Variants in ATL2 observed in about 807,000 individuals in gnomAD.
The protein encoded by ATL2 is atlastin GTPase 2.
Under a neutral mutation model 73.9 loss-of-function variants are expected in ATL2, and 31 were observed. The ratio of observed to expected loss-of-function variants is 0.42; its 90% CI spans 0.32 to 0.57. The LOEUF is 0.57. ATL2 is among the 20% of genes least tolerant of loss of function. ATL2 has a pLI of 0.14. For synonymous variants in ATL2, 291 were observed against 237.5 expected (o/e 1.23, Z -2.07); for missense variants, 738 against 702.6 (o/e 1.05, Z -0.57).
At chr2:38,340,993 A>C (rs115020203) in intron 2 of ATL2, among the ~76,000 whole-genome samples, 1 of 152,196 alleles carries the variant, frequency 6.6e-6, no homozygotes, top group Non-Finnish European at 1.5e-5. Context: ...TTGCAAATAC[A>C]CGGCAATGGG....
intron 1 of ATL2, among the ~76,000 whole-genome samples, chr2:38,363,397 A>G (rs565936356): frequency 8.7e-5 from 13 of 150,264 alleles, no homozygotes; most frequent in Non-Finnish European, 1.5e-4. Flanking sequence ...TATCATCTTT[A>G]TAACAAATCT....
chr2:38,338,323 A>G (rs190000706), intron 2 of ATL2, among the ~76,000 whole-genome samples: 59 of 131,158 alleles, frequency 4.5e-4, no homozygotes, highest in African/African-American at 2.1e-3. Flanking sequence ...AGGGAGGAAG[A>G]GGGCAAGGGT....
At chr2:38,365,134 T>TACACACACACACACACACACACACACAC (rs541325892) in intron 1 of ATL2, among the ~76,000 whole-genome samples, 2 of 132,684 alleles carry the variant, frequency 1.5e-5, no homozygotes, top group African/African-American at 5.3e-5. Context: ...AAGGGAATCA[T>TACACACACACACACACACACACACACAC]ACACACACAC....
chr2:38,366,358 TC>T (rs1233730586), intron 1 of ATL2, among the ~76,000 whole-genome samples: 1 of 152,220 alleles, frequency 6.6e-6, no homozygotes, highest in Non-Finnish European at 1.5e-5. Flanking sequence ...ATAGCCCCAT[TC>T]CTTTTTTTAT....
At chr2:38,327,796 C>T (rs528075403) in intron 2 of ATL2, among the ~76,000 whole-genome samples, 2 of 152,144 alleles carry the variant, frequency 1.3e-5, no homozygotes, top group African/African-American at 2.4e-5. Context: ...CTTAGCGGGG[C>T]GTGGTGGCGG....
At chr2:38,317,078 G>C (rs1453670074) in intron 4 of ATL2, among the ~76,000 whole-genome samples, 1 of 152,064 alleles carries the variant, frequency 6.6e-6, no homozygotes, top group Non-Finnish European at 1.5e-5. Context: ...CTGATGGCTA[G>C]GTACTTCAAA....
rs886737955 is a variant in ATL2, at chr2:38,309,235, C to T, written c.1071+144G>A. Reference sequence around the variant, plus strand: ...TTTTAAATATCCTTAAATACAGATACATCTAATTCAAGGCAGAAAGATAAA... The same window carrying T: ...TTTTAAATATCCTTAAATACAGATATATCTAATTCAAGGCAGAAAGATAAA... On this transcript the variant is annotated intron_variant, in intron 9 of 12. Transcript: ENST00000378954. 6 of 747,118 alleles carry T rather than the reference C, an allele frequency of 8.0e-6. No individual in the cohort carries two copies. The African/African-American group carries it at 1.1e-4, about 13-fold the overall frequency. 46.3% of individuals were successfully genotyped at this position (747,118 alleles called of 1,614,324 possible). A position where few individuals can be genotyped will look rare whatever the true frequency, so the allele number is the denominator to read the frequency against.
intron 2 of ATL2, among the ~76,000 whole-genome samples, chr2:38,331,804 A>G (rs1034908638): frequency 4.6e-5 from 7 of 151,924 alleles, no homozygotes; most frequent in African/African-American, 1.4e-4. Context: ...AAAATGAAGG[A>G]AGAACCCTCT....
chr2:38,314,330 T>C (rs1349831018), intron 6 of ATL2, among the ~76,000 whole-genome samples: 1 of 152,224 alleles, frequency 6.6e-6, no homozygotes, highest in Non-Finnish European at 1.5e-5. Context: ...ATATTTCCTA[T>C]TGTCTTAAGT....
intron 1 of ATL2, among the ~76,000 whole-genome samples, chr2:38,373,270 G>A (rs1451175894): frequency 6.6e-6 from 1 of 152,160 alleles, no homozygotes; most frequent in Non-Finnish European, 1.5e-5. Context: ...AATGTTACTA[G>A]AGAACCTAGA....
At chr2:38,378,136 A>G (rs569716090), upstream of ATL2, among the ~76,000 whole-genome samples, 1 of 152,236 alleles carries the variant, frequency 6.6e-6, no homozygotes, top group East Asian at 1.9e-4. Flanking sequence ...ATCCCTTTGG[A>G]TTTTTACCAT....
intron 1 of ATL2, among the ~76,000 whole-genome samples, chr2:38,363,062 A>G (rs1007637174): frequency 2.0e-5 from 3 of 152,228 alleles, no homozygotes; most frequent in Non-Finnish European, 4.4e-5. Flanking sequence ...TGTGCCTATT[A>G]TCTCTTTAAA....
At chr2:38,343,601 A>G (rs1170643090) in intron 1 of ATL2, 89 bp from the exon 2 acceptor site, 2 of 1,177,418 alleles carry the variant, frequency 1.7e-6, no homozygotes. Context: ...AATTTCAAGT[A>G]AGTAATTGCC....
chr2:38,372,833 TACAATA>T (rs1224444155), intron 1 of ATL2, among the ~76,000 whole-genome samples: 1 of 152,216 alleles, frequency 6.6e-6, no homozygotes, highest in African/African-American at 2.4e-5. Flanking sequence ...ATTTGATACT[TACAATA>T]ACCCTATCAT....
upstream of ATL2, among the ~76,000 whole-genome samples, chr2:38,377,652 C>T (rs1484556456): frequency 6.6e-6 from 1 of 152,172 alleles, no homozygotes; most frequent in East Asian, 1.9e-4. Flanking sequence ...GTCCCTCCCT[C>T]CCAATTCGCT....
At position 38,296,784 on chromosome 2, in the gene ATL2, TACCTA is replaced by T. The variant is rs1347500874; in HGVS notation, c.1633-676_1633-672del. 5.0e-5 allele frequency: 77 copies of T among 1,533,084 alleles called. No homozygotes were observed. In the African/African-American group the frequency reaches 8.7e-4, roughly 17 times the overall value. The allele number at this position is 1,533,084 out of a possible 1,614,324, so 95.0% of individuals were successfully genotyped here. A position where few individuals can be genotyped will look rare whatever the true frequency, so the allele number is the denominator to read the frequency against. On this transcript the variant is annotated intron_variant, in intron 12 of 12. Coordinates refer to ENST00000378954, the MANE Select transcript of ATL2 (RefSeq NM_001135673.4). The stretch of plus-strand genomic sequence containing the variant: ...CAGATCTCTGACTAGCTGATTACCT[TACCTA>T]AACTATACTGAAAATGATTTTATAC...
chr2:38,320,784 C>G (rs1285266173), intron 2 of ATL2, among the ~76,000 whole-genome samples: 2 of 152,050 alleles, frequency 1.3e-5, no homozygotes, highest in African/African-American at 4.8e-5. Flanking sequence ...ATGGTTAAGA[C>G]AGGACCAATG....
chr2:38,325,111 G>A (rs564561621), intron 2 of ATL2, among the ~76,000 whole-genome samples: 62 of 152,346 alleles, frequency 4.1e-4, no homozygotes, highest in South Asian at 1.2e-3. Context: ...GGGCAGACAC[G>A]TCTTGTAATT....
At chr2:38,328,381 T>G (rs906852095) in intron 2 of ATL2, among the ~76,000 whole-genome samples, 1 of 152,156 alleles carries the variant, frequency 6.6e-6, no homozygotes, top group Non-Finnish European at 1.5e-5. Context: ...CATACTCTTC[T>G]CAAACTCACA....
Sources: allele counts gnomAD v4.1 joint callset (sites outside exome capture counted in the v4.1 genomes callset), GRCh38; gene constraint gnomAD v4.1.1; transcripts MANE v1.5; gene names NCBI Gene and HGNC (gene_info 2026-07-23, HGNC 2026-07-21).